PARD3: variants seen among roughly 807,000 people sequenced by gnomAD.
The protein encoded by PARD3 is par-3 family cell polarity regulator.
A neutral mutation model predicts 155.4 loss-of-function variants in PARD3; 75 were observed. The observed-to-expected ratio is 0.48, with a 90% CI of 0.40 to 0.58. The LOEUF (loss-of-function observed/expected upper bound fraction) is 0.58, where lower values mean the gene tolerates loss of function less well. PARD3 is among the 20% of genes least tolerant of loss of function. PARD3 has a pLI of 0.00. For synonymous variants in PARD3, 576 were observed against 610.5 expected (o/e 0.94, Z 0.83); for missense variants, 1,642 against 1,721.7 (o/e 0.95, Z 0.82).
At chr10:34,532,489 T>C (rs912139911) in intron 2 of PARD3, among the ~76,000 whole-genome samples, 3 of 152,156 alleles carry the variant, frequency 2.0e-5, no homozygotes, top group African/African-American at 7.2e-5. Context: ...GTTCACACCA[T>C]GTGCCCGCTA....
intron 22 of PARD3, among the ~76,000 whole-genome samples, chr10:34,203,125 T>TA (rs1951299189): frequency 6.6e-6 from 1 of 152,214 alleles, no homozygotes; most frequent in South Asian, 2.1e-4. Context: ...TATGATGGTT[T>TA]AGTTTTGAAG....
intron 2 of PARD3, among the ~76,000 whole-genome samples, chr10:34,580,555 A>C (rs1208846994): frequency 6.6e-6 from 1 of 152,102 alleles, no homozygotes; most frequent in Non-Finnish European, 1.5e-5. Context: ...TAAACAAATA[A>C]ATCAAGCTTG....
At chr10:34,504,429 T>TAAAAAA (rs57691806) in intron 3 of PARD3, among the ~76,000 whole-genome samples, 4 of 132,660 alleles carry the variant, frequency 3.0e-5, no homozygotes, top group South Asian at 2.5e-4. Flanking sequence ...TCCCCAAGAT[T>TAAAAAA]AAAAAAAAAA....
rs972589210 is a variant in PARD3, at chr10:34,354,302, C to T, written c.2067+4845G>A. ...CTGAGGCAGGAGAATGGCGTGAACC[C>T]GGGAGGCGGAGCTTGCAGTGAGCTG... On this transcript the variant is annotated intron_variant, in intron 14 of 24. Transcript: ENST00000374788. Among the ~76,000 whole-genome samples the T allele has an allele frequency of 4.6e-5, 7 of 151,180 alleles. No individual in the cohort carries two copies. In the South Asian group the frequency reaches 6.4e-4, roughly 14 times the overall value.
intron 4 of PARD3, among the ~76,000 whole-genome samples, chr10:34,460,776 T>C: frequency 6.6e-6 from 1 of 151,936 alleles, no homozygotes; most frequent in East Asian, 1.9e-4. Context: ...GAGCTTGCAG[T>C]GAGCCAAGAT....
chr10:34,729,481 A>ACAT lies in PARD3; in HGVS notation c.121-33065_121-33063dup, dbSNP rs145608211. On this transcript the variant is annotated intron_variant, in intron 1 of 24. Transcript: ENST00000374788. ...AGCAGGCGGAGGTTGCAGTGAGCCA[A>ACAT]CATCACACCACTGCACTCCAGCCTG... Among the ~76,000 whole-genome samples, 1,444 of 151,506 alleles carry ACAT rather than the reference A, an allele frequency of 9.5e-3. 27 individuals carry two copies. The highest frequency in any genetic ancestry group is 0.033 in the African/African-American group (1,371 of 41,260).
chr10:34,147,199 A>AC (rs1291006463), intron 22 of PARD3, among the ~76,000 whole-genome samples: 1 of 151,812 alleles, frequency 6.6e-6, no homozygotes, highest in Admixed American at 6.6e-5. Context: ...TTTCTGACAG[A>AC]CCCCCCACCT....
chr10:34,425,605 G>C (rs7100864), intron 5 of PARD3, among the ~76,000 whole-genome samples: 9,095 of 151,980 alleles, frequency 0.06, 911 homozygotes, highest in African/African-American at 0.21. Flanking sequence ...CTAGGTTGCT[G>C]AGGCTTGTCT....
intron 1 of PARD3, among the ~76,000 whole-genome samples, chr10:34,700,183 G>A (rs1025297795): frequency 6.6e-6 from 1 of 152,150 alleles, no homozygotes; most frequent in Non-Finnish European, 1.5e-5. Flanking sequence ...CCCAAGGATA[G>A]GTCCAAACCC....
At chr10:34,680,330 G>A (rs774678701) in intron 2 of PARD3, among the ~76,000 whole-genome samples, 2 of 151,972 alleles carry the variant, frequency 1.3e-5, no homozygotes, top group South Asian at 2.1e-4. Context: ...AGGCCGAGGC[G>A]GGCTGATCAC....
In PARD3 at chr10:34,182,251, G is replaced by A. The variant is rs1018718987; in HGVS notation, c.3420-50668C>T. ...TGACAGGCAGCTCCAGCAAGGACGG[G>A]CCTCATTAGCATCATCTGTCCTAGA... On this transcript the variant is annotated intron_variant, in intron 22 of 24. Coordinates refer to ENST00000374788, the MANE Select transcript of PARD3 (RefSeq NM_001184785.2). Among the ~76,000 whole-genome samples the A allele has an allele frequency of 7.2e-5, 11 of 152,182 alleles. 1 individual carries two copies. The East Asian group carries it at 1.7e-3, about 24-fold the overall frequency.
intron 2 of PARD3, among the ~76,000 whole-genome samples, chr10:34,541,574 G>T (rs2083613820): frequency 6.6e-6 from 1 of 152,138 alleles, no homozygotes; most frequent in African/African-American, 2.4e-5. Context: ...CTCATGTTTA[G>T]ACCACACCTC....
intron 1 of PARD3, among the ~76,000 whole-genome samples, chr10:34,718,164 A>AC (rs1399664830): frequency 7.9e-5 from 12 of 151,414 alleles, no homozygotes; most frequent in African/African-American, 2.7e-4. Context: ...AAAAAAAAAA[A>AC]AAAAATCAAT....
At chr10:34,347,105 T>G (rs1837510800) in intron 15 of PARD3, among the ~76,000 whole-genome samples, 1 of 152,232 alleles carries the variant, frequency 6.6e-6, no homozygotes, top group Non-Finnish European at 1.5e-5. Context: ...TTAAATGTAC[T>G]CAAAATGGAG....
intron 5 of PARD3, among the ~76,000 whole-genome samples, chr10:34,441,349 T>C (rs16935408): frequency 0.059 from 8,980 of 152,242 alleles, 902 homozygotes; most frequent in African/African-American, 0.2. Flanking sequence ...TCACTTCAGC[T>C]TTGCCCACAA....
At chr10:34,652,604 C>T (rs1190511777) in intron 2 of PARD3, among the ~76,000 whole-genome samples, 1 of 152,166 alleles carries the variant, frequency 6.6e-6, no homozygotes, top group Admixed American at 6.5e-5. Context: ...ATCGGCCTCA[C>T]ATAAAAACAA....
At chr10:34,762,181 C>G (rs1170620980) in intron 1 of PARD3, among the ~76,000 whole-genome samples, 1 of 151,774 alleles carries the variant, frequency 6.6e-6, no homozygotes, top group Non-Finnish European at 1.5e-5. Context: ...AAAACAAAAC[C>G]CTAAAACATT....
intron 2 of PARD3, among the ~76,000 whole-genome samples, chr10:34,658,077 C>T (rs372875291): frequency 6.6e-6 from 1 of 150,554 alleles, no homozygotes; most frequent in African/African-American, 2.4e-5. Flanking sequence ...ACCTGGGAGG[C>T]GGAGCTTCCA....
intron 22 of PARD3, among the ~76,000 whole-genome samples, chr10:34,148,187 C>T (rs1013827964): frequency 3.3e-5 from 5 of 152,158 alleles, no homozygotes; most frequent in Non-Finnish European, 5.9e-5. Flanking sequence ...ATTGCCTAAC[C>T]CAGCCACTTA....
Sources: gnomAD v4.1 joint callset for allele counts (sites outside exome capture counted in the v4.1 genomes callset) on GRCh38, gnomAD v4.1.1 for gene constraint, MANE v1.5 for transcripts, NCBI Gene and HGNC (gene_info 2026-07-23, HGNC 2026-07-21) for gene names.